SSBP2: variants seen among roughly 807,000 people sequenced by gnomAD.
The protein encoded by SSBP2 is single stranded DNA binding protein 2, also known as single-stranded DNA-binding protein 2.
SSBP2 carries 17 observed loss-of-function variants against 61.8 expected under a neutral mutation model. That is an observed-to-expected ratio of 0.28 (90% CI 0.19 to 0.41). The LOEUF (loss-of-function observed/expected upper bound fraction) is 0.41. SSBP2 is among the 10% of genes least tolerant of loss of function. The probability of loss-of-function intolerance (pLI) is 1.00; values close to 1 mark genes in which losing one functional copy is unlikely to be tolerated. For missense variants in SSBP2, 310 were observed against 458.7 expected, an observed-to-expected ratio of 0.68 and a Z score of 2.96; for synonymous variants, 139 against 141.3, an observed-to-expected ratio of 0.98 and a Z score of 0.12.
intron 2 of SSBP2, among the ~76,000 whole-genome samples, chr5:81,641,923 T>C (rs1748825844): frequency 6.6e-6 from 1 of 151,936 alleles, no homozygotes; most frequent in African/African-American, 2.4e-5. Flanking sequence ...ACCTTTCTGC[T>C]TGGAAAAAAA....
chr5:81,700,211 T>C (rs940405511), intron 1 of SSBP2, among the ~76,000 whole-genome samples: 2 of 152,168 alleles, frequency 1.3e-5, no homozygotes, highest in Non-Finnish European at 2.9e-5. Flanking sequence ...GGTTACAGAA[T>C]GGATGTTGTA....
At chr5:81,476,587 A>T (rs1765609608) in intron 6 of SSBP2, among the ~76,000 whole-genome samples, 1 of 152,214 alleles carries the variant, frequency 6.6e-6, no homozygotes, top group Non-Finnish European at 1.5e-5. Flanking sequence ...ATTAGAGGGC[A>T]AATTATGTTG....
At chr5:81,686,526 A>G (rs916479326) in intron 1 of SSBP2, among the ~76,000 whole-genome samples, 2 of 152,168 alleles carry the variant, frequency 1.3e-5, no homozygotes, top group African/African-American at 4.8e-5. Context: ...GCCAGTAATT[A>G]TTGTATTTAG....
chr5:81,708,611 A>T (rs1043591047), intron 1 of SSBP2, among the ~76,000 whole-genome samples: 5 of 152,036 alleles, frequency 3.3e-5, no homozygotes, highest in Non-Finnish European at 7.4e-5. Flanking sequence ...TCCCTTGTGC[A>T]GGAGAAGGAA....
intron 13 of SSBP2, among the ~76,000 whole-genome samples, chr5:81,441,215 T>G (rs1002197631): frequency 2.0e-4 from 30 of 152,370 alleles, no homozygotes; most frequent in African/African-American, 7.0e-4. Flanking sequence ...AGAGGTTCCA[T>G]GGCAATTCTG....
chr5:81,504,617 G>A (rs1768039446), intron 5 of SSBP2, among the ~76,000 whole-genome samples: 1 of 151,868 alleles, frequency 6.6e-6, no homozygotes, highest in Non-Finnish European at 1.5e-5. Flanking sequence ...CCCTTTTCTG[G>A]CCACCCTATC....
chr5:81,469,615 T>C (rs991356595), intron 8 of SSBP2, among the ~76,000 whole-genome samples: 6 of 152,004 alleles, frequency 3.9e-5, no homozygotes, highest in Non-Finnish European at 1.5e-5. Flanking sequence ...GTTACTCATC[T>C]TTGTATACCC....
At chr5:81,686,761 A>G (rs1287289804) in intron 1 of SSBP2, among the ~76,000 whole-genome samples, 3 of 151,514 alleles carry the variant, frequency 2.0e-5, no homozygotes, top group Non-Finnish European at 4.4e-5. Flanking sequence ...AGGCTGAGAC[A>G]GGAGAATCGC....
At chr5:81,597,390 A>T (rs1306053280) in intron 4 of SSBP2, among the ~76,000 whole-genome samples, 1 of 152,182 alleles carries the variant, frequency 6.6e-6, no homozygotes, top group Non-Finnish European at 1.5e-5. Flanking sequence ...AGAAATAGGG[A>T]CACTTTTACA....
intron 1 of SSBP2, among the ~76,000 whole-genome samples, chr5:81,662,573 G>A (rs757079441): frequency 6.6e-6 from 1 of 152,074 alleles, no homozygotes; most frequent in African/African-American, 2.4e-5. Flanking sequence ...GGAGGCTGAG[G>A]CAGGTGAATC....
At chr5:81,659,000 T>C (rs1561663277) in intron 1 of SSBP2, among the ~76,000 whole-genome samples, 1 of 152,156 alleles carries the variant, frequency 6.6e-6, no homozygotes, top group African/African-American at 2.4e-5. Context: ...AAACTAGGTA[T>C]TGATGGAACA....
At chr5:81,426,393 C>G (rs1761952653) in intron 16 of SSBP2, among the ~76,000 whole-genome samples, 1 of 152,158 alleles carries the variant, frequency 6.6e-6, no homozygotes, top group Non-Finnish European at 1.5e-5. Context: ...AGTCCACCAT[C>G]AAATTATTTT....
At chr5:81,680,765 A>C (rs901664268) in intron 1 of SSBP2, among the ~76,000 whole-genome samples, 4 of 152,176 alleles carry the variant, frequency 2.6e-5, no homozygotes, top group Non-Finnish European at 5.9e-5. Flanking sequence ...AAAATACATG[A>C]GGTAAAAACT....
chr5:81,633,211 G>A (rs1272496053), intron 3 of SSBP2, among the ~76,000 whole-genome samples: 1 of 144,384 alleles, frequency 6.9e-6, no homozygotes, highest in Non-Finnish European at 1.5e-5. Flanking sequence ...CGTCTCCCAG[G>A]TTCAAGCTAT....
intron 4 of SSBP2, among the ~76,000 whole-genome samples, chr5:81,573,229 CTG>C (rs71813293): frequency 0.059 from 8,923 of 152,122 alleles, 871 homozygotes; most frequent in African/African-American, 0.2. Flanking sequence ...TTCAGAAACT[CTG>C]TGCTAATGTA....
chr5:81,659,805 C>T (rs1490186939), intron 1 of SSBP2, among the ~76,000 whole-genome samples: 2 of 152,004 alleles, frequency 1.3e-5, no homozygotes, highest in Non-Finnish European at 2.9e-5. Flanking sequence ...CTATAGTATA[C>T]AAAACAGCAT....
intron 1 of SSBP2, among the ~76,000 whole-genome samples, chr5:81,727,913 T>C (rs1335669019): frequency 6.6e-6 from 1 of 152,034 alleles, no homozygotes; most frequent in Non-Finnish European, 1.5e-5. Flanking sequence ...AGGACCTACT[T>C]TAGAAAGGAT....
intron 1 of SSBP2, among the ~76,000 whole-genome samples, chr5:81,676,692 C>A (rs144630158): frequency 1.6e-3 from 247 of 152,266 alleles, no homozygotes; most frequent in African/African-American, 5.8e-3. Flanking sequence ...TCTCTTACCC[C>A]CTCCTTCCCC....
chr5:81,461,246 A>AT (rs922297783), intron 9 of SSBP2, 143 bp from the exon 10 acceptor site: 3 of 552,026 alleles, frequency 5.4e-6, no homozygotes, highest in Admixed American at 8.3e-5. Context: ...CTTTATATTT[A>AT]TTTTAATAGC....
Sources: allele counts gnomAD v4.1 joint callset (sites outside exome capture counted in the v4.1 genomes callset), GRCh38; gene constraint gnomAD v4.1.1; transcripts MANE v1.5; gene names NCBI Gene and HGNC (gene_info 2026-07-23, HGNC 2026-07-21).